PCDH15: variants seen among roughly 807,000 people sequenced by gnomAD.
PCDH15 encodes the protein protocadherin related 15.
In PCDH15, 129 loss-of-function variants were observed where a neutral mutation model predicts 178.5. The ratio of observed to expected loss-of-function variants is 0.72; its 90% CI spans 0.63 to 0.84. The LOEUF (loss-of-function observed/expected upper bound fraction) is 0.84, where lower values mean the gene tolerates loss of function less well. PCDH15 is among the 40% of genes least tolerant of loss of function. The probability of loss-of-function intolerance (pLI) is 0.00; values close to 1 mark genes in which losing one functional copy is unlikely to be tolerated. For missense variants in PCDH15, 2,230 were observed against 2,099.9 expected (o/e 1.06, Z -1.21); for synonymous variants, 800 against 732.0 (o/e 1.09, Z -1.50).
intron 2 of PCDH15, among the ~76,000 whole-genome samples, chr10:55,388,656 A>C (rs1320918077): frequency 6.6e-6 from 1 of 152,126 alleles, no homozygotes. Flanking sequence ...ATTAATGAGG[A>C]ACTTATTGTT....
At chr10:54,940,399 T>C (rs992289031) in intron 2 of PCDH15, among the ~76,000 whole-genome samples, 6 of 152,178 alleles carry the variant, frequency 3.9e-5, no homozygotes, top group Non-Finnish European at 7.4e-5. Context: ...AGAAACTTTG[T>C]GTGATTTCAC....
intron 18 of PCDH15, among the ~76,000 whole-genome samples, chr10:54,026,072 ATT>A (rs973797608): frequency 4.2e-5 from 6 of 142,776 alleles, no homozygotes; most frequent in African/African-American, 2.6e-5. Context: ...TTAGGATGGG[ATT>A]TTTTTTTTTT....
chr10:55,343,811 G>A (rs558460189), intron 2 of PCDH15, among the ~76,000 whole-genome samples: 91 of 152,116 alleles, frequency 6.0e-4, no homozygotes, highest in Middle Eastern at 3.4e-3. Flanking sequence ...CACATATTAC[G>A]TGCCAGGCAT....
intron 2 of PCDH15, among the ~76,000 whole-genome samples, chr10:54,625,400 C>T (rs547894645): frequency 8.5e-5 from 13 of 152,188 alleles, no homozygotes; most frequent in South Asian, 2.1e-4. Context: ...TCTGTGTCCC[C>T]ACCCAAATCT....
chr10:54,071,436 A>G (rs1279488305), intron 17 of PCDH15, among the ~76,000 whole-genome samples: 1 of 152,184 alleles, frequency 6.6e-6, no homozygotes, highest in East Asian at 1.9e-4. Flanking sequence ...AGAGGATAAG[A>G]GAAGGGATGT....
intron 25 of PCDH15, among the ~76,000 whole-genome samples, chr10:53,911,980 A>G (rs1417331853): frequency 6.6e-6 from 1 of 152,202 alleles, no homozygotes; most frequent in African/African-American, 2.4e-5. Flanking sequence ...AAAGCCTGGC[A>G]GAGACACAAC....
At position 54,152,979 on chromosome 10, in the gene PCDH15, T is replaced by C. The variant is rs576952579; in HGVS notation, c.1784+121A>G. On this transcript the variant is annotated intron_variant, in intron 14 of 37. Coordinates refer to ENST00000644397, the MANE Select transcript of PCDH15 (RefSeq NM_001384140.1). ...GCAGTTCCTGAGAATCTGGTCTCTC[T>C]GATTTTCTGATCTAATTTAGATGTT... 6.5e-5 allele frequency: 79 copies of C among 1,220,960 alleles called. No homozygotes were observed. In the South Asian group the frequency reaches 9.9e-4, roughly 15 times the overall value. 75.6% of individuals were successfully genotyped at this position (1,220,960 alleles called of 1,614,324 possible).
At chr10:54,167,461 C>G (rs186242902) in intron 13 of PCDH15, among the ~76,000 whole-genome samples, 67 of 152,226 alleles carry the variant, frequency 4.4e-4, no homozygotes, top group African/African-American at 1.5e-3. Flanking sequence ...GGGAAGGCAG[C>G]CTTCCCTTGG....
intron 1 of PCDH15, among the ~76,000 whole-genome samples, chr10:54,751,100 A>G (rs1165833723): frequency 1.3e-5 from 2 of 152,156 alleles, no homozygotes. Context: ...AGTACTTTAT[A>G]AAACTGTTAG....
intron 2 of PCDH15, among the ~76,000 whole-genome samples, chr10:55,557,230 T>C (rs1842108944): frequency 6.6e-6 from 1 of 152,192 alleles, no homozygotes; most frequent in Non-Finnish European, 1.5e-5. Flanking sequence ...CATTTAAGTT[T>C]ATTGAGTGAA....
intron 5 of PCDH15, among the ~76,000 whole-genome samples, chr10:54,363,027 C>G (rs922636538): frequency 6.6e-6 from 1 of 152,010 alleles, no homozygotes; most frequent in Non-Finnish European, 1.5e-5. Flanking sequence ...CTTTCTATCT[C>G]AGGAACATCA....
intron 8 of PCDH15, among the ~76,000 whole-genome samples, chr10:54,267,172 G>GA (rs1406702148): frequency 6.9e-6 from 1 of 144,392 alleles, no homozygotes; most frequent in African/African-American, 2.6e-5. Flanking sequence ...AATTAAAAAT[G>GA]AAAAAAATAA....
At chr10:53,823,207 G>A in intron 32 of PCDH15, 1 of 1,614,016 alleles carries the variant, frequency 6.2e-7, no homozygotes, top group East Asian at 2.2e-5. Context: ...GCAGACTTCA[G>A]TTTGTTGCTC....
intron 2 of PCDH15, among the ~76,000 whole-genome samples, chr10:55,524,059 CTT>C (rs35312025): frequency 3.4e-5 from 5 of 145,142 alleles, no homozygotes; most frequent in African/African-American, 1.3e-4. Context: ...ATGTAAAAAC[CTT>C]TTTTTTTTTT....
At chr10:55,535,995 TG>T (rs1247702799) in intron 2 of PCDH15, among the ~76,000 whole-genome samples, 1 of 152,038 alleles carries the variant, frequency 6.6e-6, no homozygotes, top group East Asian at 1.9e-4. Context: ...TTTGAATTAT[TG>T]CTCTCTTCTG....
chr10:54,676,243 T>C (rs2094787681), intron 1 of PCDH15, among the ~76,000 whole-genome samples: 1 of 151,956 alleles, frequency 6.6e-6, no homozygotes, highest in Non-Finnish European at 1.5e-5. Flanking sequence ...GAACCAAATC[T>C]CAGCCTGTAA....
chr10:54,708,803 C>T (rs1572429), intron 1 of PCDH15, among the ~76,000 whole-genome samples: 100,739 of 136,440 alleles, frequency 0.74, 35,675 homozygotes, highest in Non-Finnish European at 0.84. Flanking sequence ...TGTGTGTGTG[C>T]GCGCGCGTGC....
intron 2 of PCDH15, among the ~76,000 whole-genome samples, chr10:55,372,309 C>T (rs1414536834): frequency 6.6e-6 from 1 of 151,898 alleles, no homozygotes; most frequent in Admixed American, 6.6e-5. Flanking sequence ...CCTGCACACC[C>T]ACCCATATGG....
At chr10:55,442,487 AT>A in intron 2 of PCDH15, among the ~76,000 whole-genome samples, 2 of 139,318 alleles carry the variant, frequency 1.4e-5, no homozygotes, top group Non-Finnish European at 3.0e-5. Context: ...TATATTATAT[AT>A]ATATATATAT....
Sources: allele counts gnomAD v4.1 joint callset (sites outside exome capture counted in the v4.1 genomes callset), GRCh38; gene constraint gnomAD v4.1.1; transcripts MANE v1.5; gene names NCBI Gene and HGNC (gene_info 2026-07-23, HGNC 2026-07-21).